SLC7A9: variants seen among roughly 807,000 people sequenced by gnomAD.
The protein encoded by SLC7A9 is B(0,+)-type amino acid transporter 1.
In SLC7A9, 38 loss-of-function variants were observed where a neutral mutation model predicts 54.1. That is an observed-to-expected ratio of 0.70 (90% confidence interval 0.54 to 0.92). The LOEUF is 0.92. SLC7A9 is among the 40% of genes least tolerant of loss of function. SLC7A9 has a pLI of 0.00. For missense variants in SLC7A9, 537 were observed against 636.1 expected (o/e 0.84, Z 1.68); for synonymous variants, 264 against 258.9 (o/e 1.02, Z -0.19).
At position 32,858,128 on chromosome 19, in the gene SLC7A9, C is replaced by T. The variant is rs547009337; in HGVS notation, c.977+312G>A. Among the ~76,000 whole-genome samples the T allele has an allele frequency of 3.3e-5, 5 of 152,326 alleles. No homozygotes were observed. In the South Asian group the frequency reaches 8.3e-4, roughly 25 times the overall value. ...GTGGAAAACCAGTGCCTCATTCACG[C>T]GGTGTCGCTTCCCTTCGCCTCAGCA... On this transcript the variant is annotated intron_variant, in intron 9 of 12. Transcript: ENST00000023064.
intron 11 of SLC7A9, among the ~76,000 whole-genome samples, chr19:32,838,619 A>G (rs958268132): frequency 3.4e-5 from 5 of 147,064 alleles, no homozygotes; most frequent in Non-Finnish European, 5.9e-5. Flanking sequence ...CCTATAATAT[A>G]TACTTATATA....
chr19:32,830,652 C>CCATT lies in SLC7A9; in HGVS notation c.1428_1431dup (p.Glu478AsnfsTer11), dbSNP rs886042228. The CCATT allele has an allele frequency of 6.2e-7, 1 of 1,614,060 alleles. No individual in the cohort carries two copies. The highest frequency in any genetic ancestry group is 1.1e-5 in the South Asian group (1 of 91,080). On this transcript the variant is annotated frameshift_variant, in exon 13 of 13. Transcript: ENST00000023064. LOFTEE classifies it high-confidence loss of function. The stretch of plus-strand genomic sequence containing the variant: ...GGGTCTTCCTCCGGTGGGACCACTT[C>CCATT]CATTAGCATCTGAAGGTGCATGGTA...
chr19:32,850,926 G>T (rs940654214), intron 9 of SLC7A9, among the ~76,000 whole-genome samples: 6 of 152,230 alleles, frequency 3.9e-5, no homozygotes, highest in African/African-American at 1.4e-4. Flanking sequence ...AATGGGGAAA[G>T]GATTCCCTAT....
At chr19:32,859,756 A>G in intron 8 of SLC7A9, 85 bp downstream of exon 8, 1 of 1,130,692 alleles carries the variant, frequency 8.8e-7, no homozygotes, top group South Asian at 1.2e-5. Context: ...CTTCCCTGGG[A>G]GGGAGCTCAC....
At position 32,862,483 on chromosome 19, in the gene SLC7A9, G is replaced by T. The variant is rs138846213; in HGVS notation, c.582C>A (p.Ser194Arg). ...CACCTTGGGCCAGGAGCACCAGCCC[G>T]CTGATGATGATGATGGCCACGATCA... ...KLVIVAIIII[S>R]GLVLLAQGNT... is the part of the protein sequence containing the mutation. The change falls in exon 5 of 13, where the codon AGC becomes AGA. Residue 194 changes from serine to arginine, a missense_variant. By Grantham distance (110) the Ser-to-Arg change is moderately radical (BLOSUM62 -1). Transcript: ENST00000023064. The T allele has an allele frequency of 6.8e-6, 11 of 1,613,162 alleles. No individual in the cohort carries two copies. The South Asian group carries it at 1.2e-4, about 18-fold the overall frequency.
intron 11 of SLC7A9, among the ~76,000 whole-genome samples, chr19:32,839,423 C>T (rs185093924): frequency 2.0e-5 from 3 of 152,064 alleles, no homozygotes; most frequent in East Asian, 1.9e-4. Context: ...CGTGGTGGCA[C>T]GCGCCTATAA....
At chr19:32,849,650 A>G in intron 9 of SLC7A9, among the ~76,000 whole-genome samples, 1 of 149,162 alleles carries the variant, frequency 6.7e-6, no homozygotes, top group African/African-American at 2.5e-5. Context: ...CAATCAATAG[A>G]AAAAGAGGGA....
intron 9 of SLC7A9, among the ~76,000 whole-genome samples, chr19:32,856,494 A>T (rs1032707817): frequency 4.6e-5 from 7 of 152,064 alleles, no homozygotes; most frequent in African/African-American, 1.7e-4. Flanking sequence ...ATGCCCAGCC[A>T]GTGAATTTTT....
chr19:32,833,407 T>C, intron 11 of SLC7A9, 84 bp from the exon 12 acceptor site: 2 of 1,157,350 alleles, frequency 1.7e-6, no homozygotes, highest in Non-Finnish European at 2.6e-6. Context: ...AAAAAGAGTA[T>C]GAACTCCATG....
chr19:32,834,013 G>A (rs1967883868), intron 11 of SLC7A9, among the ~76,000 whole-genome samples: 1 of 152,128 alleles, frequency 6.6e-6, no homozygotes, highest in African/African-American at 2.4e-5. Context: ...TGTATTCTGT[G>A]TGTTTCCAGA....
intron 11 of SLC7A9, among the ~76,000 whole-genome samples, chr19:32,835,665 TTC>T (rs1420127089): frequency 1.2e-4 from 18 of 152,284 alleles, no homozygotes; most frequent in Admixed American, 1.0e-3. Flanking sequence ...ATTCATTCAT[TTC>T]TGTTTTTTCT....
intron 9 of SLC7A9, among the ~76,000 whole-genome samples, chr19:32,855,495 C>G (rs559386990): frequency 4.6e-5 from 7 of 152,098 alleles, no homozygotes; most frequent in Admixed American, 2.0e-4. Context: ...GTCAGGAGAT[C>G]AAGACCATCC....
chr19:32,838,257 G>A (rs1968020881), intron 11 of SLC7A9, among the ~76,000 whole-genome samples: 1 of 151,974 alleles, frequency 6.6e-6, no homozygotes, highest in South Asian at 2.1e-4. Flanking sequence ...TTGTTTAAAT[G>A]TTAAATTTTA....
chr19:32,844,029 G>GT, intron 9 of SLC7A9, 78 bp from the exon 10 acceptor site: 1 of 1,135,722 alleles, frequency 8.8e-7, no homozygotes, highest in Non-Finnish European at 1.3e-6. Context: ...TTGTGCTCCG[G>GT]GGTCCACCAA....
At chr19:32,859,990 C>T in intron 7 of SLC7A9, 26 bp from the exon 8 acceptor site, 1 of 1,613,950 alleles carries the variant, frequency 6.2e-7, no homozygotes, top group Non-Finnish European at 8.5e-7. Context: ...ACACGGAGAC[C>T]CACGTTCAGA....
At chr19:32,832,990 A>C in intron 12 of SLC7A9, 159 bp downstream of exon 12, 1 of 751,120 alleles carries the variant, frequency 1.3e-6, no homozygotes, top group South Asian at 1.5e-5. Flanking sequence ...GTGGACCCAG[A>C]GGTGTACAGT....
At chr19:32,843,479 C>T (rs528490305) in intron 10 of SLC7A9, among the ~76,000 whole-genome samples, 17 of 151,438 alleles carry the variant, frequency 1.1e-4, no homozygotes, top group Non-Finnish European at 1.9e-4. Context: ...AGTCAAAGGG[C>T]GTTTACTGCA....
intron 1 of SLC7A9, 63 bp downstream of exon 1, chr19:32,869,623 T>G (rs1345269570): frequency 6.6e-6 from 1 of 152,054 alleles, no homozygotes; most frequent in Non-Finnish European, 1.5e-5. Flanking sequence ...CTAAATAAAT[T>G]ATCTGTCCAG....
intron 9 of SLC7A9, among the ~76,000 whole-genome samples, chr19:32,848,574 C>T (rs1968370340): frequency 6.6e-6 from 1 of 152,154 alleles, no homozygotes; most frequent in African/African-American, 2.4e-5. Context: ...GACTCCCACA[C>T]AATAATAATG....
Sources: gnomAD v4.1 joint callset for allele counts (sites outside exome capture counted in the v4.1 genomes callset) on GRCh38, gnomAD v4.1.1 for gene constraint, MANE v1.5 for transcripts, NCBI Gene and HGNC (gene_info 2026-07-23, HGNC 2026-07-21) for gene names.